Variants in ZNF593OS observed in about 807,000 individuals in gnomAD.
ZNF593OS encodes the protein ZNF593 opposite strand, also known as transmembrane protein ZNF593OS.
At position 26,171,061 on chromosome 1, in the gene ZNF593OS, G is replaced by T. The variant is rs2088491972; in HGVS notation, c.*128C>A. 1 of 482,472 alleles carries T rather than the reference G, an allele frequency of 2.1e-6. No homozygotes were observed. The highest frequency in any genetic ancestry group is 4.8e-5 in the South Asian group (1 of 21,040). 29.9% of individuals were successfully genotyped at this position (482,472 alleles called of 1,614,324 possible). A position where few individuals can be genotyped will look rare whatever the true frequency, so the allele number is the denominator to read the frequency against. On this transcript the variant is annotated 3_prime_UTR_variant, in exon 2 of 2. Transcript: ENST00000648649. The surrounding 1 kb of genome is among the most constrained non-coding windows in gnomAD (Gnocchi z 5.5). Reference sequence around the variant, plus strand: ...AGGCCTGATGCAGTGTGGGGTGGCGGGAGTGGGATCAGATTACTCTGTCCT... The same window carrying T: ...AGGCCTGATGCAGTGTGGGGTGGCGTGAGTGGGATCAGATTACTCTGTCCT...
downstream of ZNF593OS, chr1:26,170,166 C>A: frequency 6.4e-7 from 1 of 1,571,274 alleles, no homozygotes; most frequent in Non-Finnish European, 8.6e-7. Context: ...GCGGTCTGCA[C>A]CGCTGTCTGG....
rs2088498071 is a variant in ZNF593OS at position 26,171,616 on chromosome 1, CCTGTAACA to C, written c.38_45del (p.Val13AspfsTer6). On this transcript the variant is annotated frameshift_variant and splice_region_variant, in exon 1 of 2. Coordinates refer to ENST00000648649, the Ensembl canonical transcript of ZNF593OS. LOFTEE classifies it high-confidence loss of function. The surrounding 1 kb of genome is among the most constrained non-coding windows in gnomAD (Gnocchi z 5.5). The stretch of plus-strand genomic sequence containing the variant: ...AGAAACCGTTGATCAGGGGTACTTA[CCTGTAACA>C]CCCGGAAGTAACCAGGGGTCAAGCG... The C allele has an allele frequency of 2.5e-6, 1 of 398,490 alleles. No individual in the cohort carries two copies. The highest frequency in any genetic ancestry group is 2.1e-5 in the African/African-American group (1 of 48,600). 24.7% of individuals were successfully genotyped at this position (398,490 alleles called of 1,614,324 possible).
Position 26,171,687 on chromosome 1 carries a change from G to A in ZNF593OS, c.-26C>T, listed in dbSNP as rs553239390. The stretch of plus-strand genomic sequence containing the variant: ...GGTGGGCGGCACTGGTCTCCCTGGC[G>A]GCCTGTAGGGTGGGAGCGGACGTGA... On this transcript the variant is annotated 5_prime_UTR_variant, in exon 1 of 2. Transcript: ENST00000648649. The surrounding 1 kb of genome is among the most constrained non-coding windows in gnomAD (Gnocchi z 5.5). The A allele has an allele frequency of 7.5e-6, 3 of 398,492 alleles. No individual in the cohort carries two copies. The highest frequency in any genetic ancestry group is 3.6e-5 in the East Asian group (1 of 28,090). The allele number at this position is 398,492 out of a possible 1,614,324, so 24.7% of individuals were successfully genotyped here.
downstream of ZNF593OS, chr1:26,170,354 G>C: frequency 6.4e-7 from 1 of 1,569,726 alleles, no homozygotes; most frequent in East Asian, 2.2e-5. Context: ...GCTAGGGCTA[G>C]GGAGATAGGT....
At chr1:26,170,184 G>A, downstream of ZNF593OS, 1 of 1,572,828 alleles carries the variant, frequency 6.4e-7, no homozygotes, top group Non-Finnish European at 8.6e-7. Flanking sequence ...TGGCCTGCGC[G>A]TGAGTCCCGG....
downstream of ZNF593OS, chr1:26,169,525 T>C (rs2088460806): frequency 6.3e-6 from 1 of 159,290 alleles, no homozygotes; most frequent in South Asian, 2.0e-4. Flanking sequence ...CTCTCAGTCA[T>C]TTACTAATTT....
At chr1:26,170,207 TG>T, downstream of ZNF593OS, 1 of 1,578,568 alleles carries the variant, frequency 6.3e-7, no homozygotes. Context: ...GAGCCCGGCC[TG>T]GGGCGGAGGA....
At chr1:26,169,581 C>G, downstream of ZNF593OS, 1 of 225,870 alleles carries the variant, frequency 4.4e-6, no homozygotes, top group Non-Finnish European at 8.6e-6. Context: ...GATAAAGCAT[C>G]CCACCCCCAC....
downstream of ZNF593OS, chr1:26,169,992 C>T: frequency 6.5e-7 from 1 of 1,546,672 alleles, no homozygotes; most frequent in South Asian, 1.2e-5. Context: ...CCATGGGTCG[C>T]TCCCGCCGGA....
chr1:26,170,808 G>A, exon 2 of ZNF593OS: 1 of 1,497,478 alleles, frequency 6.7e-7, no homozygotes, highest in Non-Finnish European at 8.9e-7. Context: ...TTTTGCCTCT[G>A]GGTTTGGGGA....
rs112992918 is a variant in ZNF593OS at position 26,170,734 on chromosome 1, G to A, written c.*455C>T. On this transcript the variant is annotated 3_prime_UTR_variant, in exon 2 of 2. Coordinates refer to ENST00000648649, the Ensembl canonical transcript of ZNF593OS. ...CTACCTGACATGGCCTGAAGATGCA[G>A]GGCAGAGGAATTGCCCATGGACAGT... The A allele has an allele frequency of 2.8e-5, 45 of 1,597,828 alleles. No individual in the cohort carries two copies. The African/African-American group carries it at 3.7e-4, about 13-fold the overall frequency.
At chr1:26,170,345 C>A (rs539277026), downstream of ZNF593OS, 1 of 1,553,922 alleles carries the variant, frequency 6.4e-7, no homozygotes. Flanking sequence ...CAGGGACAAG[C>A]TAGGGCTAGG....
At chr1:26,170,462 C>T (rs780311322), downstream of ZNF593OS, 3 of 1,614,194 alleles carry the variant, frequency 1.9e-6, no homozygotes, top group Non-Finnish European at 2.5e-6. Flanking sequence ...CACTTCCGAT[C>T]CAAAGACCAC....
At chr1:26,169,743 C>T (rs2088464103), downstream of ZNF593OS, 1 of 520,984 alleles carries the variant, frequency 1.9e-6, no homozygotes, top group African/African-American at 2.0e-5. Flanking sequence ...AGCGAGGGCC[C>T]GCGGGGCCAT....
At chr1:26,170,033 G>A (rs761694246), downstream of ZNF593OS, 24 of 1,571,976 alleles carry the variant, frequency 1.5e-5, no homozygotes, top group Non-Finnish European at 2.1e-5. Context: ...TCTCTAGCCC[G>A]GCAGATGAAG....
downstream of ZNF593OS, chr1:26,169,862 G>A: frequency 1.8e-6 from 2 of 1,088,768 alleles, no homozygotes; most frequent in Admixed American, 3.4e-5. Context: ...CATCAGAGGC[G>A]GTCCGGCCGA....
downstream of ZNF593OS, chr1:26,170,158 G>A (rs1156552402): frequency 3.2e-6 from 5 of 1,571,470 alleles, no homozygotes; most frequent in Admixed American, 3.7e-5. Flanking sequence ...GCCAGGGGGC[G>A]GTCTGCACCG....
At chr1:26,170,522 C>G (rs1414537040) in exon 2 of ZNF593OS, 13 of 1,614,158 alleles carry the variant, frequency 8.1e-6, no homozygotes, top group Non-Finnish European at 8.5e-6. Flanking sequence ...GGGTGCTCAG[C>G]AGATAGGGCT....
At chr1:26,169,949 T>C, downstream of ZNF593OS, 1 of 1,517,090 alleles carries the variant, frequency 6.6e-7, no homozygotes, top group Non-Finnish European at 8.8e-7. Context: ...CCTGCCCTGC[T>C]CCTGGCCCCT....
Sources: allele counts gnomAD v4.1 joint callset, GRCh38; gene constraint gnomAD v4.1.1; non-coding constraint Gnocchi (gnomAD v3.1); transcripts MANE v1.5; gene names NCBI Gene and HGNC (gene_info 2026-07-23, HGNC 2026-07-21).